Variants in TSC2 observed in about 807,000 individuals in gnomAD.
TSC2 encodes the protein TSC complex subunit 2, also known as tuberin.
Under a neutral mutation model 202.2 loss-of-function variants are expected in TSC2, and 29 were observed. The observed-to-expected ratio is 0.14, with a 90% confidence interval of 0.11 to 0.20. TSC2 has a LOEUF of 0.20. Ranked by LOEUF, TSC2 falls within the 10% of genes least tolerant of loss-of-function variation. The pLI is 1.00. For synonymous variants in TSC2, 1,349 were observed against 1,044.0 expected (o/e 1.29, Z -5.63); for missense variants, 2,429 against 2,420.0 (o/e 1.00, Z -0.08).
chr16:2,088,852 C>G lies in TSC2; in HGVS notation c.*242C>G, dbSNP rs2091262698. ...TCCGAGGGCCTTGAGGCTGCCTGGG[C>G]CATACAGCACACTCGCGCGTGCGCG... is the stretch of plus-strand genomic sequence containing the variant. On this transcript the variant is annotated 3_prime_UTR_variant, in exon 42 of 42. Transcript: ENST00000219476. 1.7e-6 allele frequency: 1 copy of G among 576,064 alleles called. No individual in the cohort carries two copies. Among genetic ancestry groups the G allele is most frequent in the Admixed American group, 3.1e-5 (1 of 32,522 alleles). The allele number at this position is 576,064 out of a possible 1,614,324, so 35.7% of individuals were successfully genotyped here.
intron 14 of TSC2, 98 bp from the exon 15 acceptor site, chr16:2,064,174 G>C: frequency 1.3e-6 from 2 of 1,587,556 alleles, no homozygotes; most frequent in Non-Finnish European, 1.7e-6. Flanking sequence ...CGAGGGACAT[G>C]TCCGCTGCTT....
chr16:2,088,465 A>C lies in TSC2; in HGVS notation c.5279A>C (p.Tyr1760Ser), dbSNP rs1261020269. The change falls in exon 42 of 42, where the codon TAC becomes TCC. Residue 1760 changes from tyrosine (Y) to serine (S), a missense_variant. Tyr to Ser is a moderately radical substitution (Grantham distance 144, BLOSUM62 -2). Coordinates refer to ENST00000219476, the MANE Select transcript of TSC2 (RefSeq NM_000548.5). ...CTTCAGATCTGCGAGGAAGCCGCCT[A>C]CTCCAACCCCAGCCTACCTCTGGTG... ...LRQRICEEAA[Y>S]SNPSLPLVHP... The C allele has an allele frequency of 6.2e-6, 10 of 1,612,412 alleles. No individual in the cohort carries two copies. Among genetic ancestry groups the C allele is most frequent in the Non-Finnish European group, 7.6e-6 (9 of 1,179,930 alleles).
intron 33 of TSC2, 37 bp from the exon 34 acceptor site, chr16:2,084,191 T>C (rs1310107459): frequency 1.3e-6 from 2 of 1,554,616 alleles, no homozygotes; most frequent in Non-Finnish European, 1.7e-6. Flanking sequence ...CGAGGGTGCC[T>C]GCTGACAGGG....
chr16:2,075,932 C>T (rs2151383406), intron 23 of TSC2, 40 bp downstream of exon 23: 4 of 1,612,354 alleles, frequency 2.5e-6, no homozygotes, highest in South Asian at 2.2e-5. Context: ...CCAGCCGTGG[C>T]CCCCGCTAGG....
chr16:2,057,038 G>A, intron 8 of TSC2, 67 bp from the exon 9 acceptor site: 1 of 1,540,630 alleles, frequency 6.5e-7, no homozygotes, highest in Non-Finnish European at 8.8e-7. Flanking sequence ...GGCGGGGCCA[G>A]CAGCGGGACT....
chr16:2,086,697 GC>G (rs2090836905), intron 37 of TSC2, 34 bp from the exon 38 acceptor site: 3 of 1,605,730 alleles, frequency 1.9e-6, no homozygotes, highest in Non-Finnish European at 1.7e-6. Context: ...CTCAGCACTG[GC>G]CCCACAAACC....
chr16:2,055,204 TC>T, intron 5 of TSC2, 197 bp from the exon 6 acceptor site: 1 of 654,778 alleles, frequency 1.5e-6, no homozygotes, highest in Non-Finnish European at 2.8e-6. Flanking sequence ...GATCCTAGTG[TC>T]CGTGCGTAGC....
intron 17 of TSC2, among the ~76,000 whole-genome samples, chr16:2,071,204 G>A (rs968034209): frequency 1.3e-5 from 2 of 152,204 alleles, no homozygotes; most frequent in African/African-American, 4.8e-5. Flanking sequence ...TGGCAGTTGG[G>A]GGCGTGTGGT....
At chr16:2,084,750 C>T (rs981311041) in intron 34 of TSC2, 35 bp downstream of exon 34, 2 of 1,598,400 alleles carry the variant, frequency 1.3e-6, no homozygotes, top group South Asian at 1.1e-5. Context: ...GCTCCTGACA[C>T]CTCTCCTGCG....
At chr16:2,075,761 G>A (rs2151378921) in intron 22 of TSC2, 38 bp from the exon 23 acceptor site, 1 of 1,606,180 alleles carries the variant, frequency 6.2e-7, no homozygotes, top group Non-Finnish European at 8.5e-7. Context: ...CGCTGCACGG[G>A]ACCCCGGCTC....
rs45517241 is a variant in TSC2 at position 2,074,399 on chromosome 16, C to G, written c.2545+10C>G. The G allele has an allele frequency of 1.9e-6, 3 of 1,608,726 alleles. No individual in the cohort carries two copies. Among genetic ancestry groups the G allele is most frequent in the Non-Finnish European group, 1.7e-6 (2 of 1,180,002 alleles). On this transcript the variant is annotated intron_variant, in intron 22 of 41. Coordinates refer to ENST00000219476, the MANE Select transcript of TSC2 (RefSeq NM_000548.5). The stretch of plus-strand genomic sequence containing the variant: ...CTGGAGTTCCTGTCCAGTGAGTCCC[C>G]GCCCTGCCTGCGCATGCACCCGAGA...
intron 8 of TSC2, 31 bp from the exon 9 acceptor site, chr16:2,057,074 G>A (rs2151086271): frequency 1.3e-6 from 2 of 1,550,016 alleles, no homozygotes; most frequent in East Asian, 2.4e-5. Flanking sequence ...GCTTATGCCT[G>A]CCAGCCCCTG....
rs762917290 is a variant in TSC2, at chr16:2,079,578, G to C, written c.3306G>C (p.Val1102=). The C allele has an allele frequency of 3.1e-6, 5 of 1,611,552 alleles. No homozygotes were observed. In the East Asian group the frequency reaches 8.9e-5, roughly 29 times the overall value. The change falls in exon 29 of 42, where the codon GTG becomes GTC. Residue 1102 remains valine, a synonymous_variant. Coordinates refer to ENST00000219476, the MANE Select transcript of TSC2 (RefSeq NM_000548.5). This position sits in a 1 kb window ranked among gnomAD's most constrained non-coding sequence, Gnocchi z 4.6. ...TCAGCTCCAGCCCCGGGGTGCATGTGAGACAGACCAAGGAGGCGCCGGCCA... is the reference window on the plus strand; with the variant it reads ...TCAGCTCCAGCCCCGGGGTGCATGTCAGACAGACCAAGGAGGCGCCGGCCA... The part of the protein sequence containing the change: ...PESSSSPGVH[V]RQTKEAPAKL...
At chr16:2,049,364 G>A (rs1487542502) in intron 2 of TSC2, among the ~76,000 whole-genome samples, 1 of 151,978 alleles carries the variant, frequency 6.6e-6, no homozygotes, top group Admixed American at 6.6e-5. Flanking sequence ...GGGATTACAG[G>A]CATGAGCCAT....
chr16:2,061,938 A>T lies in TSC2; in HGVS notation c.1187A>T (p.Asp396Val), dbSNP rs1365616275. 3 of 1,614,068 alleles carry T rather than the reference A, an allele frequency of 1.9e-6. No homozygotes were observed. The highest frequency in any genetic ancestry group is 2.5e-6 in the Non-Finnish European group (3 of 1,180,036). The stretch of plus-strand genomic sequence containing the variant: ...TTGACCACGGTGGAGGAGCTGTGTG[A>T]CCAGAACGAGTTCCACGGGTCTCAG... ...DLLTTVEELC[D>V]QNEFHGSQER... The change falls in exon 12 of 42, where the codon GAC (aspartate) becomes GTC (valine). Residue 396 changes from aspartate (D) to valine (V), a missense_variant. Physicochemically the swap from Asp to Val is radical, Grantham distance 152. Transcript: ENST00000219476.
intron 4 of TSC2, 108 bp from the exon 5 acceptor site, chr16:2,054,188 A>G (rs2085482791): frequency 6.4e-7 from 1 of 1,564,436 alleles, no homozygotes; most frequent in South Asian, 1.1e-5. Context: ...TGTGGGAAGG[A>G]GAGGGGTCCA....
At position 2,088,271 on chromosome 16, in the gene TSC2, C is replaced by T. The variant is rs1308899138; in HGVS notation, c.5205C>T (p.Ile1735=). 1 of 1,613,002 alleles carries T rather than the reference C, an allele frequency of 6.2e-7. No individual in the cohort carries two copies. The highest frequency in any genetic ancestry group is 1.3e-5 in the African/African-American group (1 of 74,950). The part of the protein sequence containing the change: ...VHHSRSNPTD[I]YPSKWIARLR... Reference sequence around the variant, plus strand: ...ATAGCCGCTCCAACCCCACCGATATCTACCCCTCCAAGTGGATTGCCCGGC... The same window carrying T: ...ATAGCCGCTCCAACCCCACCGATATTTACCCCTCCAAGTGGATTGCCCGGC... The change falls in exon 41 of 42, where the codon ATC becomes ATT. Residue 1735 remains isoleucine, a synonymous_variant. Coordinates refer to ENST00000219476, the MANE Select transcript of TSC2 (RefSeq NM_000548.5).
chr16:2,077,010 C>T (rs992975126), intron 25 of TSC2, among the ~76,000 whole-genome samples: 2 of 152,240 alleles, frequency 1.3e-5, no homozygotes, highest in African/African-American at 4.8e-5. Flanking sequence ...GAACGGCTTT[C>T]TCCTCCTGTC....
At position 2,078,727 on chromosome 16, in the gene TSC2, C is replaced by A. The variant is rs17596071; in HGVS notation, c.2967-305C>A. On this transcript the variant is annotated intron_variant, in intron 26 of 41. Coordinates refer to ENST00000219476, the MANE Select transcript of TSC2 (RefSeq NM_000548.5). ...CCTCCGCCTCTCTGCATGACTACAC[C>A]GTTTCGCCAGGAGGCCGTAACCTAG... is the stretch of plus-strand genomic sequence containing the variant. 145 of 460,740 alleles carry A rather than the reference C, an allele frequency of 3.1e-4. 1 individual carries two copies. Among genetic ancestry groups the A allele is most frequent in the African/African-American group, 2.7e-3 (135 of 50,604 alleles). The allele number at this position is 460,740 out of a possible 1,614,324, so 28.5% of individuals were successfully genotyped here. A position where few individuals can be genotyped will look rare whatever the true frequency, so the allele number is the denominator to read the frequency against.
Sources: gnomAD v4.1 joint callset for allele counts (sites outside exome capture counted in the v4.1 genomes callset) on GRCh38, gnomAD v4.1.1 for gene constraint, Gnocchi (gnomAD v3.1) non-coding constraint, MANE v1.5 for transcripts, NCBI Gene and HGNC (gene_info 2026-07-23, HGNC 2026-07-21) for gene names.